Variants in RAD51B observed in about 807,000 individuals in gnomAD.
RAD51B encodes the protein DNA repair protein RAD51 homolog 2.
A neutral mutation model predicts 42.2 loss-of-function variants in RAD51B; 38 were observed. That is an observed-to-expected ratio of 0.90 (90% CI 0.70 to 1.18). The LOEUF is 1.18. RAD51B is among the 50% of genes most tolerant of loss of function. RAD51B has a pLI of 0.00. For synonymous variants in RAD51B, 154 were observed against 145.2 expected, an observed-to-expected ratio of 1.06 and a Z score of -0.43; for missense variants, 373 against 400.7, an observed-to-expected ratio of 0.93 and a Z score of 0.59.
intron 8 of RAD51B, among the ~76,000 whole-genome samples, chr14:68,335,986 A>G (rs896759176): frequency 2.6e-5 from 4 of 152,204 alleles, no homozygotes; most frequent in Non-Finnish European, 4.4e-5. Flanking sequence ...GCATTGGTGT[A>G]TATCTTGGCT....
intron 9 of RAD51B, among the ~76,000 whole-genome samples, chr14:68,463,142 C>G (rs1266819727): frequency 6.6e-6 from 1 of 152,130 alleles, no homozygotes; most frequent in Non-Finnish European, 1.5e-5. Context: ...ACATCTGAAC[C>G]AGCACAGCCT....
chr14:68,012,382 G>A (rs2075698812), intron 7 of RAD51B, among the ~76,000 whole-genome samples: 1 of 152,010 alleles, frequency 6.6e-6, no homozygotes, highest in Non-Finnish European at 1.5e-5. Flanking sequence ...CACAAGTTAA[G>A]AATGGGTTTA....
intron 10 of RAD51B, among the ~76,000 whole-genome samples, chr14:68,545,326 C>T (rs1179885522): frequency 6.6e-6 from 1 of 152,196 alleles, no homozygotes; most frequent in Non-Finnish European, 1.5e-5. Flanking sequence ...CTTCATGCTT[C>T]TTTTTTCCAC....
intron 7 of RAD51B, among the ~76,000 whole-genome samples, chr14:68,185,806 C>T (rs531913557): frequency 6.6e-6 from 1 of 152,298 alleles, no homozygotes; most frequent in South Asian, 2.1e-4. Context: ...GAGAATCTAA[C>T]TCTGCCACTG....
intron 8 of RAD51B, among the ~76,000 whole-genome samples, chr14:68,313,898 C>G (rs928694002): frequency 3.3e-5 from 5 of 149,544 alleles, no homozygotes; most frequent in Admixed American, 1.4e-4. Flanking sequence ...CCTCCTTTTT[C>G]TCTGGCTATC....
chr14:68,289,713 CAAA>C (rs34794914), intron 7 of RAD51B, among the ~76,000 whole-genome samples: 4 of 115,536 alleles, frequency 3.5e-5, no homozygotes, highest in African/African-American at 6.4e-5. Flanking sequence ...GATCCTGTCT[CAAA>C]AAAAAAAAAA....
At chr14:68,406,299 C>CT (rs2084272716) in intron 8 of RAD51B, among the ~76,000 whole-genome samples, 1 of 152,164 alleles carries the variant, frequency 6.6e-6, no homozygotes, top group African/African-American at 2.4e-5. Context: ...TTTACACAAA[C>CT]TGAGATGGTA....
At chr14:68,557,711 A>C (rs1888925861) in intron 10 of RAD51B, among the ~76,000 whole-genome samples, 1 of 152,224 alleles carries the variant, frequency 6.6e-6, no homozygotes, top group Non-Finnish European at 1.5e-5. Context: ...AACAAACTCC[A>C]GTGGCCTCGA....
At chr14:67,861,475 T>TG (rs903518300) in intron 4 of RAD51B, among the ~76,000 whole-genome samples, 51 of 147,988 alleles carry the variant, frequency 3.4e-4, no homozygotes, top group Admixed American at 6.8e-4. Flanking sequence ...CCAGTCTCTA[T>TG]GAAAAAAAAA....
chr14:68,455,451 C>G (rs1057447316), intron 9 of RAD51B, among the ~76,000 whole-genome samples: 3 of 151,938 alleles, frequency 2.0e-5, no homozygotes, highest in African/African-American at 7.3e-5. Flanking sequence ...GGTGTGGTGG[C>G]TCACACCTGT....
intron 7 of RAD51B, among the ~76,000 whole-genome samples, chr14:67,993,036 T>C (rs781403705): frequency 6.6e-6 from 1 of 152,166 alleles, no homozygotes; most frequent in Non-Finnish European, 1.5e-5. Flanking sequence ...AAAAATCTGT[T>C]AATAGGCTCC....
In RAD51B at chr14:68,168,406, A is replaced by G. The variant is rs181247971; in HGVS notation, c.757-123478A>G. 5.3e-5 allele frequency among the ~76,000 whole-genome samples: 8 copies of G among 152,274 alleles called. No homozygotes were observed. The East Asian group carries it at 9.6e-4, about 18-fold the overall frequency. ...GGTAAAGCAGTTTTCTCGTTTACCA[A>G]CGATCTATGAGGAGCATTATTTTTA... On this transcript the variant is annotated intron_variant, in intron 7 of 10. Coordinates refer to ENST00000471583, the MANE Select transcript of RAD51B (RefSeq NM_133510.4).
intron 10 of RAD51B, among the ~76,000 whole-genome samples, chr14:68,647,953 A>C (rs2140135383): frequency 6.6e-6 from 1 of 150,592 alleles, no homozygotes; most frequent in South Asian, 2.1e-4. Context: ...CTGGGATTAC[A>C]GGCATGAGCC....
intron 10 of RAD51B, among the ~76,000 whole-genome samples, chr14:68,554,148 T>C (rs1888713809): frequency 6.6e-6 from 1 of 152,210 alleles, no homozygotes; most frequent in South Asian, 2.1e-4. Flanking sequence ...TAGTTGACTG[T>C]AGAGTCAGGC....
intron 7 of RAD51B, among the ~76,000 whole-genome samples, chr14:68,066,426 A>G (rs981192985): frequency 6.6e-6 from 1 of 152,202 alleles, no homozygotes; most frequent in Non-Finnish European, 1.5e-5. Flanking sequence ...AATGCATCCT[A>G]TTTTTAAACT....
chr14:68,076,476 A>G (rs1490439533), intron 7 of RAD51B, among the ~76,000 whole-genome samples: 1 of 152,238 alleles, frequency 6.6e-6, no homozygotes, highest in Non-Finnish European at 1.5e-5. Flanking sequence ...ACACATGGAA[A>G]GTAAAAGAAA....
intron 7 of RAD51B, among the ~76,000 whole-genome samples, chr14:68,096,660 C>T (rs2077200838): frequency 1.3e-5 from 2 of 152,170 alleles, no homozygotes; most frequent in East Asian, 3.9e-4. Context: ...TCTCAGATCT[C>T]AAGGTCAGGA....
chr14:68,425,278 C>T (rs1187056265), intron 9 of RAD51B, among the ~76,000 whole-genome samples: 1 of 152,088 alleles, frequency 6.6e-6, no homozygotes. Flanking sequence ...TATTTTTCCT[C>T]AAGAAAAGGT....
intron 10 of RAD51B, among the ~76,000 whole-genome samples, chr14:68,505,470 G>T (rs1306520402): frequency 6.6e-6 from 1 of 152,108 alleles, no homozygotes; most frequent in African/African-American, 2.4e-5. Context: ...AAGAACTCTG[G>T]GTTTGTTAGT....
Sources: gnomAD v4.1 joint callset for allele counts (sites outside exome capture counted in the v4.1 genomes callset) on GRCh38, gnomAD v4.1.1 for gene constraint, MANE v1.5 for transcripts, NCBI Gene and HGNC (gene_info 2026-07-23, HGNC 2026-07-21) for gene names.